The following FSIP2 variants were observed in gnomAD, a reference collection of about 807,000 sequenced individuals.
FSIP2 encodes the protein fibrous sheath interacting protein 2.
Under a neutral mutation model 510.5 loss-of-function variants are expected in FSIP2, and 367 were observed. That is an observed-to-expected ratio of 0.72 (90% CI 0.66 to 0.78). The LOEUF (loss-of-function observed/expected upper bound fraction) is 0.78, where lower values mean the gene tolerates loss of function less well. FSIP2 is among the 30% of genes least tolerant of loss of function. The probability of loss-of-function intolerance (pLI) is 0.00; values close to 1 mark genes in which losing one functional copy is unlikely to be tolerated. For missense variants in FSIP2, 7,594 were observed against 7,901.7 expected (o/e 0.96, Z 1.48); for synonymous variants, 2,601 against 2,732.2 (o/e 0.95, Z 1.50).
intron 1 of FSIP2, 143 bp downstream of exon 1, chr2:185,739,136 G>A: frequency 1.6e-6 from 2 of 1,225,654 alleles, no homozygotes; most frequent in Non-Finnish European, 1.1e-6. Context: ...CCCGGGGGCG[G>A]TGGCGGTGGC....
rs1322807100 is a variant in FSIP2, at chr2:185,805,575, AC to A, written c.16270del (p.Gln5424LysfsTer7). On this transcript the variant is annotated frameshift_variant, in exon 17 of 23. Transcript: ENST00000424728. LOFTEE classifies it high-confidence loss of function. ...NITQRVQHLPQNTFTQISRCA... is the reference protein window; with the variant it reads ...NITQRVQHLPXNTFTQISRCA... Reference sequence around the variant, plus strand: ...TCACCCAAAGGGTTCAACACCTACCACAAAACACCTTTACACAAATAAGCAG... The same window carrying A: ...TCACCCAAAGGGTTCAACACCTACCAAAAACACCTTTACACAAATAAGCAG... The A allele has an allele frequency of 3.1e-6, 5 of 1,610,134 alleles. No homozygotes were observed. The highest frequency in any genetic ancestry group is 1.7e-5 in the Admixed American group (1 of 59,454).
rs1282284284 is a variant in FSIP2 at position 185,807,662 on chromosome 2, A to C, written c.18356A>C (p.Asp6119Ala). The change falls in exon 17 of 23, where the codon GAC becomes GCC. Residue 6119 changes from aspartate (D) to alanine (A), a missense_variant. By Grantham distance (126) the Asp-to-Ala change is moderately radical. Coordinates refer to ENST00000424728, the MANE Select transcript of FSIP2 (RefSeq NM_173651.4). ...AAAATCCTTTCAGAAAACATAGTTG[A>C]CTTGGTTCTACGAGAAGTGGCTAGC... Reference protein sequence around the residue: ...GCKILSENIVDLVLREVASNQ... With the variant: ...GCKILSENIVALVLREVASNQ... 6.2e-6 allele frequency: 10 copies of C among 1,612,838 alleles called. No homozygotes were observed. Among genetic ancestry groups the C allele is most frequent in the Non-Finnish European group, 8.5e-6 (10 of 1,179,298 alleles).
rs1475912730 is a variant in FSIP2, at chr2:185,795,148, C to A, written c.8012C>A (p.Thr2671Asn). 2.6e-6 allele frequency: 4 copies of A among 1,534,752 alleles called. No homozygotes were observed. The highest frequency in any genetic ancestry group is 3.5e-6 in the Non-Finnish European group (4 of 1,146,132). ...CATTTAAAAACAAGATCAAAAATTA[C>A]CACTTTGCCTAAATTTACAAAAAAA... ...KAHLKTRSKI[T>N]TLPKFTKKTH... The change falls in exon 16 of 23, where the codon ACC becomes AAC. Residue 2671 changes from threonine to asparagine, a missense_variant. Physicochemically the swap from Thr to Asn is moderately conservative, Grantham distance 65. Coordinates refer to ENST00000424728, the MANE Select transcript of FSIP2 (RefSeq NM_173651.4).
At chr2:185,784,923 T>C (rs1692931901) in intron 14 of FSIP2, among the ~76,000 whole-genome samples, 1 of 152,070 alleles carries the variant, frequency 6.6e-6, no homozygotes, top group Admixed American at 6.6e-5. Context: ...TGCCATGCTT[T>C]ATCTGGTTAA....
At chr2:185,829,812 G>C (rs1267043293) in intron 21 of FSIP2, among the ~76,000 whole-genome samples, 3 of 151,948 alleles carry the variant, frequency 2.0e-5, no homozygotes, top group Admixed American at 2.0e-4. Flanking sequence ...CACACACACA[G>C]AGGCTAAAGC....
At chr2:185,786,755 T>C (rs1235970493) in intron 15 of FSIP2, among the ~76,000 whole-genome samples, 2 of 151,818 alleles carry the variant, frequency 1.3e-5, no homozygotes, top group East Asian at 3.9e-4. Flanking sequence ...GATCGTGTAT[T>C]TTTATGAGGC....
chr2:185,791,979 A>T lies in FSIP2; in HGVS notation c.4843A>T (p.Asn1615Tyr). The T allele has an allele frequency of 6.5e-7, 1 of 1,533,954 alleles. No homozygotes were observed. The highest frequency in any genetic ancestry group is 8.7e-7 in the Non-Finnish European group (1 of 1,145,392). ...TATTAATGATGGAAATAAGAAAAGC[A>T]ATAAGATAGGCTGGGAATATGAAAG... is the stretch of plus-strand genomic sequence containing the variant. ...GAINDGNKKS[N>Y]KIGWEYESTN... Residue 1615 changes from asparagine to tyrosine, a missense_variant, in exon 16 of 23, where the codon AAT (asparagine) becomes TAT (tyrosine). Asn to Tyr is a moderately radical substitution (Grantham distance 143). Coordinates refer to ENST00000424728, the MANE Select transcript of FSIP2 (RefSeq NM_173651.4).
chr2:185,802,967 C>G lies in FSIP2; in HGVS notation c.13661C>G (p.Thr4554Ser). The G allele has an allele frequency of 1.3e-6, 2 of 1,529,674 alleles. No homozygotes were observed. The highest frequency in any genetic ancestry group is 1.7e-6 in the Non-Finnish European group (2 of 1,143,520). 94.8% of individuals were successfully genotyped at this position (1,529,674 alleles called of 1,614,324 possible). A position where few individuals can be genotyped will look rare whatever the true frequency, so the allele number is the denominator to read the frequency against. ...VDSVFANVVQ[T>S]SGSQESAVQN... ...TCAGTATTTGCAAATGTTGTGCAAA[C>G]CTCTGGTTCTCAAGAATCAGCTGTG... Residue 4554 changes from threonine (T) to serine (S), a missense_variant, in exon 17 of 23, where the codon ACC (threonine) becomes AGC (serine). Transcript: ENST00000424728.
Position 185,793,594 on chromosome 2 carries a change from T to C in FSIP2, c.6458T>C (p.Ile2153Thr). The C allele has an allele frequency of 6.5e-7, 1 of 1,534,262 alleles. No homozygotes were observed. Among genetic ancestry groups the C allele is most frequent in the Non-Finnish European group, 8.7e-7 (1 of 1,145,598 alleles). Residue 2153 changes from isoleucine (I) to threonine (T), a missense_variant, in exon 16 of 23, where the codon ATT (isoleucine) becomes ACT (threonine). Coordinates refer to ENST00000424728, the MANE Select transcript of FSIP2 (RefSeq NM_173651.4). ...PKLSVPKSDV[I>T]LISNDIVNIV... ...CTTTCAGTTCCTAAATCAGATGTCA[T>C]TTTGATATCCAATGATATAGTGAAT...
chr2:185,782,922 T>C (rs1692884412), intron 14 of FSIP2, among the ~76,000 whole-genome samples, 160 bp downstream of exon 14: 1 of 152,210 alleles, frequency 6.6e-6, no homozygotes, highest in African/African-American at 2.4e-5. Flanking sequence ...TAAGCTTAAA[T>C]TGTAGACAAA....
At chr2:185,751,461 C>G (rs201138636) in intron 7 of FSIP2, among the ~76,000 whole-genome samples, 5 of 135,782 alleles carry the variant, frequency 3.7e-5, no homozygotes, top group Non-Finnish European at 8.0e-5. Context: ...CTTTATTTTT[C>G]TGTGTGTGTG....
At position 185,803,633 on chromosome 2, in the gene FSIP2, G is replaced by T. The variant is rs1024022471; in HGVS notation, c.14327G>T (p.Arg4776Ile). Residue 4776 changes from arginine to isoleucine, a missense_variant, in exon 17 of 23, where the codon AGA becomes ATA. By Grantham distance (97) the Arg-to-Ile change is moderately conservative. Transcript: ENST00000424728. ...QRVQYDISKSRFQRQASTMYT... is the reference protein window; with the variant it reads ...QRVQYDISKSIFQRQASTMYT... ...GTTCAATATGATATAAGTAAATCAA[G>T]ATTCCAAAGACAAGCTTCAACAATG... The T allele has an allele frequency of 9.2e-6, 14 of 1,528,644 alleles. No homozygotes were observed. The Admixed American group carries it at 2.2e-4, about 24-fold the overall frequency. The allele number at this position is 1,528,644 out of a possible 1,614,324, so 94.7% of individuals were successfully genotyped here.
Position 185,803,045 on chromosome 2 carries a change from T to C in FSIP2, c.13739T>C (p.Ile4580Thr). ...CTTATAGATAGAATAGCAGGTTTCA[T>C]CATTAAACATATCTGTCAAAAACAT... is the stretch of plus-strand genomic sequence containing the variant. ...DILIDRIAGF[I>T]IKHICQKHLQ... is the part of the protein sequence containing the mutation. The change falls in exon 17 of 23, where the codon ATC (isoleucine) becomes ACC (threonine). Residue 4580 changes from isoleucine (I) to threonine (T), a missense_variant. Ile to Thr is a moderately conservative substitution (Grantham distance 89). Transcript: ENST00000424728. 1.3e-6 allele frequency: 2 copies of C among 1,521,004 alleles called. No individual in the cohort carries two copies. The highest frequency in any genetic ancestry group is 1.2e-5 in the South Asian group (1 of 81,190). The allele number at this position is 1,521,004 out of a possible 1,614,324, so 94.2% of individuals were successfully genotyped here.
chr2:185,795,597 G>C lies in FSIP2; in HGVS notation c.8461G>C (p.Glu2821Gln). ...LPKQQACFYL[E>Q]NVSSQLEHIF... ...TAAACAACAAGCATGTTTTTACTTG[G>C]AGAATGTTTCTTCACAGCTAGAGCA... The change falls in exon 16 of 23, where the codon GAG becomes CAG. Residue 2821 changes from glutamate to glutamine, a missense_variant. Transcript: ENST00000424728. 3.3e-6 allele frequency: 5 copies of C among 1,534,996 alleles called. No individual in the cohort carries two copies. The highest frequency in any genetic ancestry group is 4.4e-6 in the Non-Finnish European group (5 of 1,146,074).
Position 185,807,148 on chromosome 2 carries a change from A to G in FSIP2, c.17842A>G (p.Arg5948Gly). Residue 5948 changes from arginine to glycine, a missense_variant, in exon 17 of 23, where the codon AGA becomes GGA. Arg to Gly is a moderately radical substitution (Grantham distance 125, BLOSUM62 -2). Coordinates refer to ENST00000424728, the MANE Select transcript of FSIP2 (RefSeq NM_173651.4). ...CAGTAATGGAGAAAATTTAGCAAGA[A>G]GACTAACTAGTGCAGTGATAAATGA... The part of the protein sequence containing the change: ...INSNGENLAR[R>G]LTSAVINEIF... 1 of 1,602,612 alleles carries G rather than the reference A, an allele frequency of 6.2e-7. No homozygotes were observed.
intron 13 of FSIP2, among the ~76,000 whole-genome samples, chr2:185,775,853 G>C (rs956505057): frequency 1.3e-5 from 2 of 152,068 alleles, no homozygotes; most frequent in South Asian, 4.2e-4. Context: ...TAGTAGAGAT[G>C]GAGTTTCTCC....
intron 19 of FSIP2, among the ~76,000 whole-genome samples, chr2:185,816,580 G>C (rs1693829565): frequency 6.6e-6 from 1 of 151,854 alleles, no homozygotes; most frequent in African/African-American, 2.4e-5. Context: ...GCTCACGTCT[G>C]TAATCCCACC....
chr2:185,776,499 T>C (rs1246880679), intron 13 of FSIP2, among the ~76,000 whole-genome samples: 1 of 152,200 alleles, frequency 6.6e-6, no homozygotes, highest in Non-Finnish European at 1.5e-5. Context: ...TATTTATTTT[T>C]AATTTACTTG....
Position 185,764,543 on chromosome 2 carries a change from A to G in FSIP2, c.1389A>G (p.Arg463=), listed in dbSNP as rs1169746177. ...NADWDGRPTK[R]SSYLCESGPQ... is the part of the protein sequence containing the mutation. ...ATTGGGATGGAAGACCAACCAAGAG[A>G]TCAAGCTATCTCTGCGAATCAGGTA... The change falls in exon 13 of 23, where the codon AGA becomes AGG. Residue 463 remains arginine, a synonymous_variant. Transcript: ENST00000424728. The G allele has an allele frequency of 6.5e-7, 1 of 1,529,808 alleles. No homozygotes were observed. The highest frequency in any genetic ancestry group is 2.0e-5 in the Admixed American group (1 of 50,804). The allele number at this position is 1,529,808 out of a possible 1,614,324, so 94.8% of individuals were successfully genotyped here.
Sources: allele counts gnomAD v4.1 joint callset (sites outside exome capture counted in the v4.1 genomes callset), GRCh38; gene constraint gnomAD v4.1.1; transcripts MANE v1.5; gene names NCBI Gene and HGNC (gene_info 2026-07-23, HGNC 2026-07-21).